Variants in SLC23A2 observed in about 807,000 individuals in gnomAD.
SLC23A2 encodes the protein solute carrier family 23 member 2.
SLC23A2 carries 36 observed loss-of-function variants against 73.3 expected under a neutral mutation model. The observed-to-expected ratio is 0.49, with a 90% CI of 0.38 to 0.65. The LOEUF is 0.65. Among genes scored for constraint, SLC23A2 ranks in the 30% least tolerant of loss-of-function variants. The probability of loss-of-function intolerance (pLI) is 0.00; values close to 1 mark genes in which losing one functional copy is unlikely to be tolerated. For missense variants in SLC23A2, 507 were observed against 841.6 expected, an observed-to-expected ratio of 0.60 and a Z score of 4.92; for synonymous variants, 343 against 327.3, an observed-to-expected ratio of 1.05 and a Z score of -0.52.
At chr20:4,909,374 G>A (rs542596817) in intron 4 of SLC23A2, among the ~76,000 whole-genome samples, 2 of 152,126 alleles carry the variant, frequency 1.3e-5, no homozygotes, top group Non-Finnish European at 2.9e-5. Flanking sequence ...TCTACATCAG[G>A]TTGCCAGCCG....
chr20:4,861,111 G>A (rs1929948946), intron 15 of SLC23A2, among the ~76,000 whole-genome samples: 1 of 152,168 alleles, frequency 6.6e-6, no homozygotes, highest in Non-Finnish European at 1.5e-5. Context: ...GCTAAGTGAA[G>A]GAAGCCAGAT....
intron 2 of SLC23A2, among the ~76,000 whole-genome samples, chr20:4,940,281 C>T (rs143284839): frequency 3.6e-4 from 55 of 152,222 alleles, no homozygotes; most frequent in Admixed American, 1.7e-3. Context: ...TGCCGCTTCA[C>T]TACAGCCTGG....
intron 1 of SLC23A2, among the ~76,000 whole-genome samples, chr20:4,987,030 G>T (rs1372822294): frequency 6.6e-6 from 1 of 152,038 alleles, no homozygotes; most frequent in East Asian, 1.9e-4. Flanking sequence ...GTGGAGCTCC[G>T]CAGGGAAGGG....
rs751107544 is a variant in SLC23A2, at chr20:4,899,687, G to A, written c.350C>T (p.Thr117Met). The A allele has an allele frequency of 7.4e-6, 12 of 1,614,022 alleles. No homozygotes were observed. The highest frequency in any genetic ancestry group is 1.3e-5 in the African/African-American group (1 of 74,912). The change falls in exon 6 of 17, where the codon ACG becomes ATG. Residue 117 changes from threonine to methionine, a missense_variant. By Grantham distance (81) the Thr-to-Met change is moderately conservative. Transcript: ENST00000338244. The surrounding 1 kb of genome is among the most constrained non-coding windows in gnomAD (Gnocchi z 4.9). ...GGCCAACAGGAAGGGCACTGCGATC[G>A]TGCCGCTGAAGCATGTCAGGTAGTG... ...LQHYLTCFSG[T>M]IAVPFLLADA...
At chr20:4,884,376 ATCT>A (rs1931012588) in intron 8 of SLC23A2, among the ~76,000 whole-genome samples, 1 of 152,196 alleles carries the variant, frequency 6.6e-6, no homozygotes, top group Non-Finnish European at 1.5e-5. Context: ...GCAGACAAAT[ATCT>A]TTAGTTCTTT....
At chr20:4,873,886 C>T in intron 11 of SLC23A2, 50 bp downstream of exon 11, 1 of 1,551,848 alleles carries the variant, frequency 6.4e-7, no homozygotes, top group Non-Finnish European at 8.7e-7. Context: ...CCACCCCTCT[C>T]AGTTGGGCCC....
At chr20:4,866,031 A>G (rs1930182912) in intron 13 of SLC23A2, among the ~76,000 whole-genome samples, 1 of 151,916 alleles carries the variant, frequency 6.6e-6, no homozygotes, top group Admixed American at 6.6e-5. Context: ...CAGGGGTTCA[A>G]CATGTTGGCC....
rs987336369 is a variant in SLC23A2 at position 4,857,726 on chromosome 20, T to A, written c.1721-522A>T. Among the ~76,000 whole-genome samples the A allele has an allele frequency of 6.6e-6, 1 of 151,924 alleles. No homozygotes were observed. The highest frequency in any genetic ancestry group is 2.4e-5 in the African/African-American group (1 of 41,356). ...TGAGAGGATCACATGAAGTCAGGAG[T>A]TCGAGACCAGCCTAGCCAACATGGT... On this transcript the variant is annotated intron_variant, in intron 16 of 16. Coordinates refer to ENST00000338244, the MANE Select transcript of SLC23A2 (RefSeq NM_005116.6). The surrounding 1 kb of genome is among the most constrained non-coding windows in gnomAD (Gnocchi z 4.0).
intron 7 of SLC23A2, 133 bp downstream of exon 7, chr20:4,885,688 C>T (rs1568609588): frequency 4.4e-6 from 3 of 688,392 alleles, no homozygotes. Context: ...GCATTCTAAG[C>T]TGTTTGTGGG....
intron 3 of SLC23A2, among the ~76,000 whole-genome samples, chr20:4,930,317 G>T (rs1005133248): frequency 2.0e-5 from 3 of 152,120 alleles, no homozygotes; most frequent in Non-Finnish European, 2.9e-5. Context: ...TGAACAACTG[G>T]ACTGATGCCT....
intron 3 of SLC23A2, among the ~76,000 whole-genome samples, chr20:4,917,446 TAA>T (rs916191528): frequency 1.5e-4 from 23 of 151,138 alleles, no homozygotes; most frequent in African/African-American, 5.1e-4. Context: ...GGCACGGGAG[TAA>T]AGTGTCCAGG....
chr20:4,887,466 G>C (rs1931147667), intron 6 of SLC23A2, among the ~76,000 whole-genome samples: 1 of 152,208 alleles, frequency 6.6e-6, no homozygotes, highest in African/African-American at 2.4e-5. Context: ...TTATCCTTAG[G>C]AATGTGGCCA....
In SLC23A2 at chr20:4,874,639, G is replaced by A; in HGVS notation, c.882C>T (p.Leu294=). 6.2e-7 allele frequency: 1 copy of A among 1,612,492 alleles called. No homozygotes were observed. The highest frequency in any genetic ancestry group is 8.5e-7 in the Non-Finnish European group (1 of 1,178,846). ...ATCCTTTCTTGGATTTATAAATCGG[G>A]AGAGGAAATTTAACATTTCTGGCGT... ...SQYARNVKFP[L]PIYKSKKGWT... Residue 294 remains leucine, a synonymous_variant, in exon 10 of 17, where the codon CTC becomes CTT. Coordinates refer to ENST00000338244, the MANE Select transcript of SLC23A2 (RefSeq NM_005116.6).
intron 2 of SLC23A2, among the ~76,000 whole-genome samples, chr20:4,968,741 C>A (rs1455295212): frequency 1.4e-5 from 2 of 142,174 alleles, no homozygotes; most frequent in Non-Finnish European, 3.1e-5. Context: ...TTTTTTGAGA[C>A]GACGTCTGTC....
At chr20:4,889,367 G>A (rs976441983) in intron 6 of SLC23A2, among the ~76,000 whole-genome samples, 16 of 152,150 alleles carry the variant, frequency 1.1e-4, no homozygotes, top group Middle Eastern at 3.4e-3. Context: ...TATGATGAAG[G>A]TCAGTGGGGA....
At chr20:4,974,524 T>G (rs1392499293) in intron 1 of SLC23A2, among the ~76,000 whole-genome samples, 1 of 151,950 alleles carries the variant, frequency 6.6e-6, no homozygotes, top group Admixed American at 6.6e-5. Context: ...ACCAAATATC[T>G]TCAATGCAAA....
Position 4,945,952 on chromosome 20 carries a change from G to A in SLC23A2, c.-154-13236C>T, listed in dbSNP as rs568634192. On this transcript the variant is annotated intron_variant, in intron 2 of 16. Coordinates refer to ENST00000338244, the MANE Select transcript of SLC23A2 (RefSeq NM_005116.6). ...TGACAAAATATCATCATATTCCCCT[G>A]CCACAATGATGGAGGGGGTACCCAG... Among the ~76,000 whole-genome samples, 88 of 152,224 alleles carry A rather than the reference G, an allele frequency of 5.8e-4. 2 individuals carry two copies. In the South Asian group the frequency reaches 0.017, roughly 29 times the overall value.
chr20:4,856,750 ACT>A lies in SLC23A2; in HGVS notation c.*220_*221del, dbSNP rs1324729657. 1.8e-5 allele frequency: 9 copies of A among 510,362 alleles called. No homozygotes were observed. The highest frequency in any genetic ancestry group is 3.1e-5 in the Non-Finnish European group (9 of 286,954). 31.6% of individuals were successfully genotyped at this position (510,362 alleles called of 1,614,324 possible). On this transcript the variant is annotated 3_prime_UTR_variant, in exon 17 of 17. Transcript: ENST00000338244. This position sits in a 1 kb window ranked among gnomAD's most constrained non-coding sequence, Gnocchi z 4.6. ...TTAGTGACCATGGCCAGCAATGGAC[ACT>A]CTCAAAGGGCAAGGAGTTAAGGGCT...
Position 4,862,204 on chromosome 20 carries a change from G to C in SLC23A2, c.1487-119C>G. On this transcript the variant is annotated intron_variant, in intron 14 of 16. Transcript: ENST00000338244. The surrounding 1 kb of genome is among the most constrained non-coding windows in gnomAD (Gnocchi z 5.1). ...TGTCCAACAGAAACCAATGAGACCAGTGCAGGGACAGGAAGGGGGACGTGT... is the reference window on the plus strand; with the variant it reads ...TGTCCAACAGAAACCAATGAGACCACTGCAGGGACAGGAAGGGGGACGTGT... The C allele has an allele frequency of 1.0e-6, 1 of 999,398 alleles. No homozygotes were observed. Among genetic ancestry groups the C allele is most frequent in the South Asian group, 1.6e-5 (1 of 62,808 alleles). The allele number at this position is 999,398 out of a possible 1,614,324, so 61.9% of individuals were successfully genotyped here. A position where few individuals can be genotyped will look rare whatever the true frequency, so the allele number is the denominator to read the frequency against.
Sources: gnomAD v4.1 joint callset for allele counts (sites outside exome capture counted in the v4.1 genomes callset) on GRCh38, gnomAD v4.1.1 for gene constraint, Gnocchi (gnomAD v3.1) non-coding constraint, MANE v1.5 for transcripts, NCBI Gene and HGNC (gene_info 2026-07-23, HGNC 2026-07-21) for gene names.